Variants in PRRC2B observed in about 807,000 individuals in gnomAD.
PRRC2B encodes proline rich coiled-coil 2B.
A neutral mutation model predicts 242.3 loss-of-function variants in PRRC2B; 68 were observed. That is an observed-to-expected ratio of 0.28 (90% CI 0.23 to 0.34). The LOEUF (loss-of-function observed/expected upper bound fraction) is 0.34. PRRC2B is among the 10% of genes least tolerant of loss of function. The pLI, the probability that PRRC2B is intolerant of heterozygous loss-of-function variation, is 1.00. For missense variants in PRRC2B, 2,835 were observed against 2,954.8 expected, an observed-to-expected ratio of 0.96 and a Z score of 0.94; for synonymous variants, 1,228 against 1,173.6, an observed-to-expected ratio of 1.05 and a Z score of -0.95.
intron 1 of PRRC2B, among the ~76,000 whole-genome samples, chr9:131,374,564 C>T (rs1836660167): frequency 1.3e-5 from 2 of 151,934 alleles, no homozygotes; most frequent in Admixed American, 6.6e-5. Context: ...CTCACTCCAT[C>T]CCTCAGGCTG....
At chr9:131,435,338 G>A (rs1003186373) in intron 3 of PRRC2B, among the ~76,000 whole-genome samples, 2 of 151,554 alleles carry the variant, frequency 1.3e-5, no homozygotes, top group Admixed American at 1.3e-4. Context: ...TTGTAGGTCG[G>A]GCGCAGTGGC....
At chr9:131,483,649 G>A (rs915271051) in intron 23 of PRRC2B, among the ~76,000 whole-genome samples, 4 of 152,306 alleles carry the variant, frequency 2.6e-5, no homozygotes, top group African/African-American at 2.4e-5. Flanking sequence ...CCTAAGGGCT[G>A]GTTTATTTGG....
At chr9:131,436,253 T>C (rs1201530355) in intron 3 of PRRC2B, among the ~76,000 whole-genome samples, 2 of 152,162 alleles carry the variant, frequency 1.3e-5, no homozygotes, top group African/African-American at 4.8e-5. Context: ...TAGTCCCACC[T>C]ACTCAGAAGG....
intron 5 of PRRC2B, among the ~76,000 whole-genome samples, chr9:131,440,178 A>T (rs756765229): frequency 9.2e-5 from 14 of 152,186 alleles, no homozygotes; most frequent in African/African-American, 4.8e-5. Context: ...GAGTGCTGGG[A>T]TTACAGACGT....
At chr9:131,422,037 TC>T (rs1837856304) in intron 1 of PRRC2B, among the ~76,000 whole-genome samples, 1 of 152,070 alleles carries the variant, frequency 6.6e-6, no homozygotes, top group South Asian at 2.1e-4. Context: ...ACTTTTCTTT[TC>T]TTTCTTTCTT....
chr9:131,486,265 C>G (rs1046016231), intron 26 of PRRC2B, 83 bp downstream of exon 26: 1 of 1,002,908 alleles, frequency 1.0e-6, no homozygotes, highest in African/African-American at 1.6e-5. Flanking sequence ...TCATCTATTT[C>G]TCATTGTCTG....
intron 22 of PRRC2B, 35 bp from the exon 23 acceptor site, chr9:131,483,324 C>T (rs775704093): frequency 2.0e-5 from 32 of 1,587,806 alleles, no homozygotes; most frequent in Non-Finnish European, 2.6e-5. Flanking sequence ...CCAGGAGGAT[C>T]TCAGTGGGCT....
rs977130918 is a variant in PRRC2B at position 131,412,160 on chromosome 9, A to G, written c.-52+17897A>G. ...ACTTTTAGAACATGTTTGCTCATCT[A>G]CGTTGACCGTCTCTATCTTGATGGG... is the stretch of plus-strand genomic sequence containing the variant. On this transcript the variant is annotated intron_variant, in intron 1 of 31. Transcript: ENST00000683519. 4.6e-5 allele frequency among the ~76,000 whole-genome samples: 7 copies of G among 152,250 alleles called. No individual in the cohort carries two copies. In the East Asian group the frequency reaches 1.2e-3, roughly 25 times the overall value.
intron 1 of PRRC2B, among the ~76,000 whole-genome samples, chr9:131,424,979 T>A (rs775396732): frequency 2.0e-5 from 3 of 152,154 alleles, no homozygotes; most frequent in Non-Finnish European, 4.4e-5. Flanking sequence ...AGGTTTTTTG[T>A]TTTTTGAGAT....
chr9:131,407,380 G>A (rs1837394215), intron 1 of PRRC2B, among the ~76,000 whole-genome samples: 1 of 152,144 alleles, frequency 6.6e-6, no homozygotes, highest in Non-Finnish European at 1.5e-5. Flanking sequence ...TGGGTAAGGT[G>A]TTTATAACGT....
chr9:131,412,126 A>G (rs1266097404), intron 1 of PRRC2B, among the ~76,000 whole-genome samples: 2 of 152,156 alleles, frequency 1.3e-5, no homozygotes, highest in Non-Finnish European at 2.9e-5. Flanking sequence ...CTTAAAGTCT[A>G]ATATAGTCAC....
At chr9:131,380,617 T>C (rs914121902) in intron 1 of PRRC2B, among the ~76,000 whole-genome samples, 1 of 150,768 alleles carries the variant, frequency 6.6e-6, no homozygotes, top group Non-Finnish European at 1.5e-5. Context: ...CAGTGGCTCA[T>C]GCCTGTAATC....
rs1212838424 is a variant in PRRC2B at position 131,459,176 on chromosome 9, C to A, written c.1224C>A (p.Asp408Glu). 6.2e-7 allele frequency: 1 copy of A among 1,613,836 alleles called. No homozygotes were observed. The highest frequency in any genetic ancestry group is 1.7e-5 in the Admixed American group (1 of 60,016). The part of the protein sequence containing the change: ...KDGRPKWNSW[D>E]PRRQRQLSMS... ...TGGTTTGTCCTAGGAACAGTTGGGA[C>A]CCTAGGAGGCAGCGGCAGTTGTCAA... The change falls in exon 11 of 32, where the codon GAC becomes GAA. Residue 408 changes from aspartate to glutamate, a missense_variant. This residue lies in a region of PRRC2B where 626 missense variants were observed against 685.5 expected (regional missense o/e 0.91). Transcript: ENST00000683519.
intron 1 of PRRC2B, among the ~76,000 whole-genome samples, chr9:131,376,046 CA>C (rs56400904): frequency 2.5e-3 from 186 of 72,948 alleles, no homozygotes; most frequent in East Asian, 4.5e-3. Flanking sequence ...GAGACTGTCT[CA>C]AAAAAAAAAA....
rs1255212091 is a variant in PRRC2B at position 131,388,838 on chromosome 9, AC to A, written c.-56+15109del. Reference sequence around the variant, plus strand: ...ATTACCGCACCTGGCCCCTCCTTTTACCTTTTTTTTTTTTTTTTTTGAGACG... The same window carrying A: ...ATTACCGCACCTGGCCCCTCCTTTTACTTTTTTTTTTTTTTTTTTGAGACG... On this transcript the variant is annotated intron_variant, in intron 1 of 1. Coordinates refer to the PRRC2B transcript ENST00000682525. 5.8e-4 allele frequency among the ~76,000 whole-genome samples: 65 copies of A among 112,770 alleles called. 2 individuals carry two copies. The highest frequency in any genetic ancestry group is 2.2e-3 in the African/African-American group (65 of 29,238). The allele number at this position is 112,770 out of a possible 152,430, so 74.0% of individuals were successfully genotyped here.
chr9:131,453,444 C>T (rs569281165), intron 9 of PRRC2B, among the ~76,000 whole-genome samples: 4 of 152,088 alleles, frequency 2.6e-5, no homozygotes, highest in African/African-American at 9.6e-5. Flanking sequence ...TGCTCTGTTG[C>T]CCATGCTGGT....
intron 1 of PRRC2B, among the ~76,000 whole-genome samples, chr9:131,385,323 G>A (rs1388749134): frequency 3.5e-5 from 5 of 144,924 alleles, no homozygotes; most frequent in Non-Finnish European, 6.0e-5. Context: ...CCTGGGTAAC[G>A]AGCGAAAAAC....
At chr9:131,402,776 G>T (rs1347581689) in intron 1 of PRRC2B, among the ~76,000 whole-genome samples, 1 of 152,200 alleles carries the variant, frequency 6.6e-6, no homozygotes, top group Non-Finnish European at 1.5e-5. Context: ...TTAAAAATGT[G>T]TTCCTATGTG....
At position 131,411,492 on chromosome 9, in the gene PRRC2B, GCCTGCCA is replaced by G. The variant is rs1564276396; in HGVS notation, c.-52+17232_-52+17238del. On this transcript the variant is annotated intron_variant, in intron 1 of 31. Coordinates refer to ENST00000683519, the MANE Select transcript of PRRC2B (RefSeq NM_013318.4). ...CTCCCGAGTAGCTGGGACTACAGGC[GCCTGCCA>G]CCACGCCTGGCTAATTTTTTGTATT... Among the ~76,000 whole-genome samples the G allele has an allele frequency of 6.0e-5, 9 of 150,366 alleles. No individual in the cohort carries two copies. In the East Asian group the frequency reaches 1.4e-3, roughly 24 times the overall value.
Sources: allele counts gnomAD v4.1 joint callset (sites outside exome capture counted in the v4.1 genomes callset), GRCh38; gene constraint gnomAD v4.1.1; regional missense constraint gnomAD v4.1.1; transcripts MANE v1.5; gene names NCBI Gene and HGNC (gene_info 2026-07-23, HGNC 2026-07-21).